The following CALM2 variants were observed in gnomAD, a reference collection of about 807,000 sequenced individuals.
CALM2 encodes calmodulin 2, also known as calmodulin-2.
CALM2 carries 2 observed loss-of-function variants against 19.8 expected under a neutral mutation model. The observed-to-expected ratio is 0.10, with a 90% CI of 0.04 to 0.32. The LOEUF is 0.32. Among genes scored for constraint, CALM2 ranks in the 10% least tolerant of loss-of-function variants. The pLI is 1.00. For synonymous variants in CALM2, 51 were observed against 52.1 expected (o/e 0.98, Z 0.09); for missense variants, 38 against 178.7 (o/e 0.21, Z 4.49).
intron 1 of CALM2, 84 bp downstream of exon 1, chr2:47,176,357 G>C (rs1028948753): frequency 6.5e-7 from 1 of 1,534,416 alleles, no homozygotes; most frequent in Non-Finnish European, 8.9e-7. Context: ...AGGTGTAAGG[G>C]AGGCGAGTTT....
chr2:47,162,270 C>A lies in CALM2; in HGVS notation c.285+16G>T, dbSNP rs3729963. 82 of 1,420,466 alleles carry A rather than the reference C, an allele frequency of 5.8e-5. No homozygotes were observed. Among genetic ancestry groups the A allele is most frequent in the Middle Eastern group, 1.8e-4 (1 of 5,420 alleles). The allele number at this position is 1,420,466 out of a possible 1,614,324, so 88.0% of individuals were successfully genotyped here. A position where few individuals can be genotyped will look rare whatever the true frequency, so the allele number is the denominator to read the frequency against. On this transcript the variant is annotated intron_variant, in intron 4 of 5. Coordinates refer to ENST00000272298, the MANE Select transcript of CALM2 (RefSeq NM_001743.6). Reference sequence around the variant, plus strand: ...ATTTCATCCTCAAAATTTAACATATCCAGTCCTTGACGTACCTTATCAAAC... The same window carrying A: ...ATTTCATCCTCAAAATTTAACATATACAGTCCTTGACGTACCTTATCAAAC...
upstream of CALM2, chr2:47,176,773 C>A (rs1329628875): frequency 7.1e-6 from 7 of 985,320 alleles, no homozygotes; most frequent in African/African-American, 1.2e-4. Context: ...CGCTACTTTG[C>A]GGCGCGGAGG....
At chr2:47,169,879 G>T (rs1573225987) in intron 2 of CALM2, among the ~76,000 whole-genome samples, 1 of 150,562 alleles carries the variant, frequency 6.6e-6, no homozygotes, top group African/African-American at 2.4e-5. Flanking sequence ...GAAAACTGTG[G>T]CAAATAAACT....
At chr2:47,175,085 T>TTTTTTTTG (rs1666806331) in intron 1 of CALM2, among the ~76,000 whole-genome samples, 3 of 130,566 alleles carry the variant, frequency 2.3e-5, no homozygotes, top group African/African-American at 7.8e-5. Flanking sequence ...TTAGGTGTTT[T>TTTTTTTTG]TTTTTTTTTT....
intron 2 of CALM2, among the ~76,000 whole-genome samples, chr2:47,170,413 AGCC>A (rs1213117736): frequency 1.6e-3 from 251 of 152,318 alleles, no homozygotes; most frequent in African/African-American, 5.9e-3. Flanking sequence ...CGTGTTAGCT[AGCC>A]CAGAATTCCT....
At chr2:47,170,317 T>C (rs959537721) in intron 2 of CALM2, among the ~76,000 whole-genome samples, 1 of 152,242 alleles carries the variant, frequency 6.6e-6, no homozygotes, top group African/African-American at 2.4e-5. Flanking sequence ...AAATGTTAGC[T>C]AATTTTAACT....
At chr2:47,160,850 CAAAAAAAAA>C (rs55773607) in intron 5 of CALM2, 46 bp from the exon 6 acceptor site, 97 of 371,776 alleles carry the variant, frequency 2.6e-4, no homozygotes, top group South Asian at 9.1e-4. Context: ...AGCAAAAGAC[CAAAAAAAAA>C]AAAAAAAAAA....
Position 47,160,673 on chromosome 2 carries a change from T to C in CALM2, c.*103A>G, listed in dbSNP as rs1172595866. The C allele has an allele frequency of 1.3e-5, 8 of 629,224 alleles. No homozygotes were observed. 39.0% of individuals were successfully genotyped at this position (629,224 alleles called of 1,614,324 possible). ...AGTCCTAATTACTATACATGCATAT[T>C]TTTTTGACAGTAGGGAGAAACCTTT... is the stretch of plus-strand genomic sequence containing the variant. On this transcript the variant is annotated 3_prime_UTR_variant, in exon 6 of 6. Transcript: ENST00000272298.
At chr2:47,170,663 C>A in intron 2 of CALM2, 71 bp downstream of exon 2, 2 of 1,142,694 alleles carry the variant, frequency 1.8e-6, no homozygotes, top group South Asian at 2.5e-5. Context: ...ATACAAGTCT[C>A]TTATTCTGAC....
intron 1 of CALM2, 132 bp from the exon 2 acceptor site, chr2:47,170,896 T>G: frequency 6.6e-6 from 5 of 753,122 alleles, no homozygotes; most frequent in Non-Finnish European, 1.2e-5. Flanking sequence ...CACATCTGGA[T>G]AGAAAATGCA....
rs746645212 is a variant in CALM2 at position 47,176,398 on chromosome 2, TC to T, written c.3+42del. The T allele has an allele frequency of 2.4e-5, 39 of 1,609,576 alleles. No homozygotes were observed. In the South Asian group the frequency reaches 3.2e-4, roughly 13 times the overall value. On this transcript the variant is annotated intron_variant, in intron 1 of 5. Transcript: ENST00000272298. ...GTTTAGTCAGTTCGCTCCAGTCTCT[TC>T]CCCCCACAGGCCCAGCGCCGGCAGC... is the stretch of plus-strand genomic sequence containing the variant.
chr2:47,160,879 A>G (rs1279071801), intron 5 of CALM2, 75 bp from the exon 6 acceptor site: 5 of 765,096 alleles, frequency 6.5e-6, no homozygotes, highest in South Asian at 1.8e-5. Flanking sequence ...AAAAAATCAC[A>G]TTTACTCAAT....
At chr2:47,168,820 C>A (rs546974218) in intron 2 of CALM2, among the ~76,000 whole-genome samples, 1 of 151,804 alleles carries the variant, frequency 6.6e-6, no homozygotes, top group Non-Finnish European at 1.5e-5. Context: ...CTCTGTTGCC[C>A]AGGCTGGAGT....
intron 2 of CALM2, among the ~76,000 whole-genome samples, chr2:47,170,291 T>C (rs1157229708): frequency 1.3e-5 from 2 of 152,244 alleles, no homozygotes; most frequent in South Asian, 2.1e-4. Context: ...TGATTATATA[T>C]GCAATTCTTA....
At chr2:47,174,489 C>T (rs1178697310) in intron 1 of CALM2, among the ~76,000 whole-genome samples, 4 of 151,986 alleles carry the variant, frequency 2.6e-5, no homozygotes, top group Non-Finnish European at 5.9e-5. Flanking sequence ...AGGCAATTTT[C>T]AAATTTACTG....
At chr2:47,175,291 C>T (rs945090051) in intron 1 of CALM2, among the ~76,000 whole-genome samples, 1 of 152,090 alleles carries the variant, frequency 6.6e-6, no homozygotes, top group Non-Finnish European at 1.5e-5. Flanking sequence ...AGAAGGGGAG[C>T]AATGTTTTTA....
intron 2 of CALM2, among the ~76,000 whole-genome samples, chr2:47,166,315 G>A (rs2103834354): frequency 6.6e-6 from 1 of 152,250 alleles, no homozygotes; most frequent in Non-Finnish European, 1.5e-5. Flanking sequence ...TACATTCTCT[G>A]CTATGGGTAT....
intron 1 of CALM2, among the ~76,000 whole-genome samples, chr2:47,175,558 G>C (rs563643423): frequency 2.0e-5 from 3 of 152,280 alleles, no homozygotes; most frequent in East Asian, 3.9e-4. Flanking sequence ...TTCTTTCAAC[G>C]ACAGACACTT....
chr2:47,176,646 C>T, upstream of CALM2: 1 of 1,480,286 alleles, frequency 6.8e-7, no homozygotes, highest in Non-Finnish European at 9.0e-7. Flanking sequence ...GGACCCCTTT[C>T]TTCACAGTTA....
Sources: gnomAD v4.1 joint callset for allele counts (sites outside exome capture counted in the v4.1 genomes callset) on GRCh38, gnomAD v4.1.1 for gene constraint, MANE v1.5 for transcripts, NCBI Gene and HGNC (gene_info 2026-07-23, HGNC 2026-07-21) for gene names.